The following CHCHD3 variants were observed in gnomAD, a reference collection of about 807,000 sequenced individuals.
The protein encoded by CHCHD3 is MICOS complex subunit MIC19.
Under a neutral mutation model 38.2 loss-of-function variants are expected in CHCHD3, and 20 were observed. The observed-to-expected ratio is 0.52, with a 90% CI of 0.37 to 0.76. The LOEUF (loss-of-function observed/expected upper bound fraction) is 0.76. Among genes scored for constraint, CHCHD3 ranks in the 30% least tolerant of loss-of-function variants. The pLI is 0.00. For missense variants in CHCHD3, 245 were observed against 279.2 expected, an observed-to-expected ratio of 0.88 and a Z score of 0.87; for synonymous variants, 82 against 100.0, an observed-to-expected ratio of 0.82 and a Z score of 1.07.
chr7:132,977,329 C>T (rs767587772), intron 3 of CHCHD3, among the ~76,000 whole-genome samples: 4 of 152,146 alleles, frequency 2.6e-5, no homozygotes, highest in Non-Finnish European at 5.9e-5. Flanking sequence ...TTTTCATAAG[C>T]CCTCTAGAAT....
intron 4 of CHCHD3, among the ~76,000 whole-genome samples, chr7:132,918,822 A>T (rs1022056655): frequency 1.3e-5 from 2 of 152,196 alleles, no homozygotes; most frequent in African/African-American, 4.8e-5. Context: ...CACTTAATAA[A>T]ATTATGTAAT....
intron 4 of CHCHD3, among the ~76,000 whole-genome samples, chr7:132,898,917 C>T (rs1220698096): frequency 6.6e-6 from 1 of 152,200 alleles, no homozygotes; most frequent in African/African-American, 2.4e-5. Flanking sequence ...GCCCGCCAAG[C>T]CCACACCCAC....
At chr7:132,999,590 G>A (rs1016445128) in intron 3 of CHCHD3, among the ~76,000 whole-genome samples, 10 of 152,016 alleles carry the variant, frequency 6.6e-5, no homozygotes, top group African/African-American at 2.4e-4. Context: ...ATTTTCTAAT[G>A]TCTAAACTTT....
chr7:132,960,019 C>G (rs982613800), intron 4 of CHCHD3, among the ~76,000 whole-genome samples: 1 of 152,196 alleles, frequency 6.6e-6, no homozygotes, highest in Non-Finnish European at 1.5e-5. Flanking sequence ...GAAAAACTTG[C>G]AGTCTTGGCA....
chr7:132,835,519 G>GCAGGAGGTC lies in CHCHD3; in HGVS notation c.524+2879_524+2880insGACCTCCTG, dbSNP rs1399314995. On this transcript the variant is annotated intron_variant, in intron 6 of 7. Transcript: ENST00000262570. The stretch of plus-strand genomic sequence containing the variant: ...TGACTTGCAGGAGGTCAGCCATCAT[G>GCAGGAGGTC]ATGTCAACGTTGTGCTTCCCGTGGC... Among the ~76,000 whole-genome samples the GCAGGAGGTC allele has an allele frequency of 8.5e-5, 13 of 152,330 alleles. No individual in the cohort carries two copies. In the South Asian group the frequency reaches 1.4e-3, roughly 17 times the overall value.
intron 3 of CHCHD3, among the ~76,000 whole-genome samples, chr7:133,007,894 C>T (rs1812743462): frequency 6.6e-6 from 1 of 152,166 alleles, no homozygotes; most frequent in Non-Finnish European, 1.5e-5. Flanking sequence ...CCTATTTCTC[C>T]CCAAGCCTAT....
intron 6 of CHCHD3, among the ~76,000 whole-genome samples, chr7:132,810,646 AT>A (rs1402222111): frequency 6.6e-6 from 1 of 152,216 alleles, no homozygotes; most frequent in African/African-American, 2.4e-5. Context: ...AATCTCAATG[AT>A]TTCTACGTAA....
intron 3 of CHCHD3, among the ~76,000 whole-genome samples, chr7:133,022,758 T>C (rs556043010): frequency 1.3e-5 from 2 of 152,042 alleles, no homozygotes; most frequent in South Asian, 2.1e-4. Context: ...ACCTGAGATA[T>C]GAAATTGGCT....
At chr7:132,815,288 C>T (rs1271169823) in intron 6 of CHCHD3, among the ~76,000 whole-genome samples, 7 of 152,154 alleles carry the variant, frequency 4.6e-5, no homozygotes, top group African/African-American at 1.7e-4. Flanking sequence ...TCTTATTTCC[C>T]TGCTTATAAA....
At chr7:133,009,879 A>G (rs1812815263) in intron 3 of CHCHD3, among the ~76,000 whole-genome samples, 1 of 152,210 alleles carries the variant, frequency 6.6e-6, no homozygotes, top group African/African-American at 2.4e-5. Context: ...AGCTTAGATG[A>G]TATTCATATA....
At chr7:132,921,666 A>T (rs963380881) in intron 4 of CHCHD3, among the ~76,000 whole-genome samples, 2 of 152,156 alleles carry the variant, frequency 1.3e-5, no homozygotes, top group Admixed American at 6.5e-5. Flanking sequence ...ACAAAACACA[A>T]AAAAGGATTA....
intron 2 of CHCHD3, among the ~76,000 whole-genome samples, chr7:133,033,362 AC>A (rs1813553832): frequency 6.6e-6 from 1 of 152,076 alleles, no homozygotes; most frequent in Non-Finnish European, 1.5e-5. Flanking sequence ...ATGGGAAACT[AC>A]CCCCAGGCAC....
At chr7:133,029,426 C>T in intron 2 of CHCHD3, among the ~76,000 whole-genome samples, 1 of 152,206 alleles carries the variant, frequency 6.6e-6, no homozygotes, top group East Asian at 1.9e-4. Flanking sequence ...CTGGTAATCA[C>T]TCTTTTACTC....
chr7:132,887,956 T>C (rs1052565028), intron 4 of CHCHD3, among the ~76,000 whole-genome samples: 15 of 151,844 alleles, frequency 9.9e-5, no homozygotes, highest in African/African-American at 3.1e-4. Context: ...TCAAGTACTA[T>C]ATGCAAAGAT....
chr7:132,889,105 T>C (rs1476479373), intron 4 of CHCHD3, among the ~76,000 whole-genome samples: 1 of 152,108 alleles, frequency 6.6e-6, no homozygotes, highest in Admixed American at 6.5e-5. Flanking sequence ...AATGTAGCAC[T>C]GAGGGCATCT....
At chr7:132,940,581 A>C (rs760061694) in intron 4 of CHCHD3, among the ~76,000 whole-genome samples, 1 of 152,318 alleles carries the variant, frequency 6.6e-6, no homozygotes. Context: ...AATATTCACC[A>C]CTGAAGCACT....
At chr7:132,984,536 G>GTGA (rs1333392555) in intron 3 of CHCHD3, among the ~76,000 whole-genome samples, 84 of 147,312 alleles carry the variant, frequency 5.7e-4, no homozygotes, top group African/African-American at 2.0e-3. Context: ...CGTCTGGGAT[G>GTGA]TGAGGAGCCC....
chr7:133,026,575 A>T (rs1441573819), intron 2 of CHCHD3, among the ~76,000 whole-genome samples: 1 of 152,240 alleles, frequency 6.6e-6, no homozygotes. Context: ...CTCATACATG[A>T]GTATTTACAG....
chr7:132,807,669 A>G (rs964369698), intron 6 of CHCHD3, among the ~76,000 whole-genome samples: 1 of 141,772 alleles, frequency 7.1e-6, no homozygotes, highest in Non-Finnish European at 1.5e-5. Context: ...CCTACACTTG[A>G]TCTTAGCCAA....
Sources: allele counts gnomAD v4.1 joint callset (sites outside exome capture counted in the v4.1 genomes callset), GRCh38; gene constraint gnomAD v4.1.1; transcripts MANE v1.5; gene names NCBI Gene and HGNC (gene_info 2026-07-23, HGNC 2026-07-21).